The following PALM variants were observed in gnomAD, a reference collection of about 807,000 sequenced individuals.
PALM encodes the protein paralemmin-1.
A neutral mutation model predicts 30.7 loss-of-function variants in PALM; 18 were observed. The ratio of observed to expected loss-of-function variants is 0.59; its 90% CI spans 0.41 to 0.87. The LOEUF (loss-of-function observed/expected upper bound fraction) is 0.87, where lower values mean the gene tolerates loss of function less well. Among genes scored for constraint, PALM ranks in the 40% least tolerant of loss-of-function variants. The pLI is 0.00. For missense variants in PALM, 529 were observed against 555.4 expected (o/e 0.95, Z 0.48); for synonymous variants, 286 against 242.8 (o/e 1.18, Z -1.66).
chr19:727,623 G>T lies in PALM; in HGVS notation c.198G>T (p.Gly66=). Reference sequence around the variant, plus strand: ...GGACGCCGTCCTCGGCCTCAGAGGGGGATGAGGACCTGAGGAGGCAGATGC... The same window carrying T: ...GGACGCCGTCCTCGGCCTCAGAGGGTGATGAGGACCTGAGGAGGCAGATGC... ...LEGTPSSASE[G]DEDLRRQMQD... The change falls in exon 4 of 9, where the codon GGG becomes GGT. Residue 66 remains glycine, a synonymous_variant. Transcript: ENST00000338448. 1.3e-6 allele frequency: 2 copies of T among 1,577,310 alleles called. No homozygotes were observed. The highest frequency in any genetic ancestry group is 1.7e-6 in the Non-Finnish European group (2 of 1,161,864).
intron 1 of PALM, among the ~76,000 whole-genome samples, chr19:723,588 GTTGTT>G (rs968170682): frequency 1.3e-5 from 2 of 152,004 alleles, no homozygotes; most frequent in Admixed American, 6.6e-5. Flanking sequence ...TTTTCTTTTT[GTTGTT>G]TTGTTTTGTT....
At chr19:733,282 TTG>T (rs1316168936) in intron 5 of PALM, among the ~76,000 whole-genome samples, 2 of 151,840 alleles carry the variant, frequency 1.3e-5, no homozygotes, top group Non-Finnish European at 1.5e-5. Flanking sequence ...TCCCTGAAGG[TTG>T]TTTGAGCATG....
intron 7 of PALM, 26 bp from the exon 8 acceptor site, chr19:740,326 G>C: frequency 1.9e-6 from 3 of 1,547,676 alleles, no homozygotes; most frequent in Non-Finnish European, 2.6e-6. Flanking sequence ...GCAGGCCGTG[G>C]TGTAACCCCG....
rs550250983 is a variant in PALM at position 739,345 on chromosome 19, G to A, written c.503-1007G>A. Among the ~76,000 whole-genome samples the A allele has an allele frequency of 1.5e-3, 227 of 152,218 alleles. 1 individual carries two copies. Among genetic ancestry groups the A allele is most frequent in the Non-Finnish European group, 2.6e-3 (176 of 68,000 alleles). On this transcript the variant is annotated intron_variant, in intron 7 of 8. Transcript: ENST00000338448. Reference sequence around the variant, plus strand: ...GAGCCCCAGTCTCCGCCGTGACCCCGGGCAAGGCAGGATCTCTCTGGGATT... The same window carrying A: ...GAGCCCCAGTCTCCGCCGTGACCCCAGGCAAGGCAGGATCTCTCTGGGATT...
In PALM at chr19:717,400, C is replaced by T. The variant is rs536114303; in HGVS notation, c.5+8249C>T. Among the ~76,000 whole-genome samples, 10 of 152,228 alleles carry T rather than the reference C, an allele frequency of 6.6e-5. No individual in the cohort carries two copies. In the East Asian group the frequency reaches 1.9e-3, roughly 29 times the overall value. ...CATTTCGTAGACATGGGATCACACG[C>T]TGCGTGGCCTTCTGTGTCTGGCGTC... On this transcript the variant is annotated intron_variant, in intron 1 of 8. Transcript: ENST00000338448.
intron 6 of PALM, 94 bp downstream of exon 6, chr19:734,288 G>A (rs769866051): frequency 2.5e-6 from 3 of 1,216,340 alleles, no homozygotes; most frequent in East Asian, 2.4e-5. Context: ...AAAGTTGCTC[G>A]GTGCCTCACG....
intron 1 of PALM, among the ~76,000 whole-genome samples, chr19:721,939 G>A (rs888752603): frequency 6.7e-6 from 1 of 150,044 alleles, no homozygotes; most frequent in African/African-American, 2.5e-5. Context: ...TATTTTTTGA[G>A]ACGGAGTCTC....
intron 7 of PALM, among the ~76,000 whole-genome samples, chr19:737,730 G>A (rs932491527): frequency 8.5e-5 from 13 of 152,202 alleles, no homozygotes; most frequent in African/African-American, 2.7e-4. Flanking sequence ...GCAGGACTGC[G>A]CCTGGGGTGT....
At chr19:739,960 C>T (rs2033138520) in intron 7 of PALM, among the ~76,000 whole-genome samples, 1 of 152,132 alleles carries the variant, frequency 6.6e-6, no homozygotes, top group African/African-American at 2.4e-5. Flanking sequence ...AAGGCGGCTC[C>T]ATCTCAAAAA....
chr19:719,992 G>C (rs117620865), intron 1 of PALM, among the ~76,000 whole-genome samples: 25,718 of 152,114 alleles, frequency 0.17, 2,945 homozygotes, highest in Non-Finnish European at 0.25. Flanking sequence ...ACCCGGCGTC[G>C]GGGGCGGGTC....
chr19:717,693 G>A (rs1225612543), intron 1 of PALM, among the ~76,000 whole-genome samples: 1 of 151,892 alleles, frequency 6.6e-6, no homozygotes, highest in East Asian at 1.9e-4. Context: ...TTAAAAAGAA[G>A]AGGCAGTGAT....
intron 1 of PALM, among the ~76,000 whole-genome samples, chr19:710,374 G>A (rs1039707023): frequency 6.6e-6 from 1 of 152,164 alleles, no homozygotes; most frequent in Non-Finnish European, 1.5e-5. Context: ...TCAGCCAGGG[G>A]CTCAGGGGAG....
intron 1 of PALM, among the ~76,000 whole-genome samples, chr19:714,454 G>C (rs8105419): frequency 1.4e-4 from 21 of 148,476 alleles, no homozygotes; most frequent in African/African-American, 5.2e-4. Context: ...TGCCTCCCAG[G>C]TTCATGCCAT....
intron 6 of PALM, 68 bp downstream of exon 6, chr19:734,262 C>A (rs369007246): frequency 8.7e-6 from 13 of 1,500,340 alleles, no homozygotes. Context: ...GATGGCAGGG[C>A]GGGGAGTGAA....
intron 1 of PALM, among the ~76,000 whole-genome samples, chr19:719,982 A>C: frequency 6.6e-6 from 1 of 151,640 alleles, no homozygotes; most frequent in East Asian, 2.0e-4. Flanking sequence ...GACCTTGGCT[A>C]CCCGGCGTCG....
chr19:735,428 G>A (rs1458499834), intron 6 of PALM, among the ~76,000 whole-genome samples: 8 of 117,778 alleles, frequency 6.8e-5, no homozygotes, highest in African/African-American at 3.5e-5. Context: ...GTGTCTGGAT[G>A]GGATCCGTGT....
At chr19:740,968 CAAAAAAAA>C (rs60937470) in intron 8 of PALM, among the ~76,000 whole-genome samples, 33 of 93,816 alleles carry the variant, frequency 3.5e-4, no homozygotes, top group African/African-American at 1.0e-3. Context: ...CCGTCTCTAC[CAAAAAAAA>C]AAAAAAAAAA....
chr19:731,582 G>T (rs4919889), intron 5 of PALM, among the ~76,000 whole-genome samples: 4,716 of 74,528 alleles, frequency 0.063, 586 homozygotes, highest in African/African-American at 0.16. Context: ...CATCAGAAGG[G>T]CTCAGGGAAG....
In PALM at chr19:746,513, C is replaced by G. The variant is rs552444013; in HGVS notation, c.863C>G (p.Pro288Arg). 14 of 1,612,630 alleles carry G rather than the reference C, an allele frequency of 8.7e-6. No individual in the cohort carries two copies. The South Asian group carries it at 1.5e-4, about 18-fold the overall frequency. ...CCAGGCGAGGCCACGTCCGGCCCGC[C>G]GGGGATCCAGCCCGGCCAGGAGCCC... Reference protein sequence around the residue: ...AQPGEATSGPPGIQPGQEPPV... With the variant: ...AQPGEATSGPRGIQPGQEPPV... Residue 288 changes from proline to arginine, a missense_variant, in exon 9 of 9, where the codon CCG becomes CGG. Transcript: ENST00000338448. This position sits in a 1 kb window ranked among gnomAD's most constrained non-coding sequence, Gnocchi z 7.1.
Sources: allele counts gnomAD v4.1 joint callset (sites outside exome capture counted in the v4.1 genomes callset), GRCh38; gene constraint gnomAD v4.1.1; non-coding constraint Gnocchi (gnomAD v3.1); transcripts MANE v1.5; gene names NCBI Gene and HGNC (gene_info 2026-07-23, HGNC 2026-07-21).